The following ZNF516 variants were observed in gnomAD, a reference collection of about 807,000 sequenced individuals.
ZNF516 encodes zinc finger protein 516.
In ZNF516, 19 loss-of-function variants were observed where a neutral mutation model predicts 79.7. That is an observed-to-expected ratio of 0.24 (90% CI 0.17 to 0.35). The LOEUF is 0.35. Ranked by LOEUF, ZNF516 falls within the 10% of genes least tolerant of loss-of-function variation. The probability of loss-of-function intolerance (pLI) is 1.00; values close to 1 mark genes in which losing one functional copy is unlikely to be tolerated. For missense variants in ZNF516, 1,678 were observed against 1,679.5 expected (o/e 1.00, Z 0.02); for synonymous variants, 877 against 739.5 (o/e 1.19, Z -3.02).
At chr18:76,381,459 G>A (rs151159876) in intron 3 of ZNF516, among the ~76,000 whole-genome samples, 1,913 of 152,246 alleles carry the variant, frequency 0.013, 21 homozygotes, top group Non-Finnish European at 0.018. Context: ...TTTCAAATAA[G>A]ATTTTCAGAG....
chr18:76,390,306 C>T (rs537345774), intron 3 of ZNF516, among the ~76,000 whole-genome samples: 1 of 152,180 alleles, frequency 6.6e-6, no homozygotes, highest in Non-Finnish European at 1.5e-5. Flanking sequence ...CAGAAAATTA[C>T]GAGCCATGTA....
intron 1 of ZNF516, among the ~76,000 whole-genome samples, chr18:76,489,692 G>A (rs1162835372): frequency 6.6e-6 from 1 of 152,054 alleles, no homozygotes; most frequent in Non-Finnish European, 1.5e-5. Context: ...GATAACAATG[G>A]GAAAACATTG....
Position 76,379,970 on chromosome 18 carries a change from T to C in ZNF516, c.2144A>G (p.Asn715Ser). 1 of 1,613,956 alleles carries C rather than the reference T, an allele frequency of 6.2e-7. No individual in the cohort carries two copies. Among genetic ancestry groups the C allele is most frequent in the Non-Finnish European group, 8.5e-7 (1 of 1,179,866 alleles). ...HPAEKLSDLH[N>S]KEHSGGGKRA... The stretch of plus-strand genomic sequence containing the variant: ...CTTCCCTCCCCCAGAGTGTTCCTTG[T>C]TGTGCAAATCGGACAGCTTTTCTGC... The change falls in exon 4 of 7, where the codon AAC (asparagine) becomes AGC (serine). Residue 715 changes from asparagine (N) to serine (S), a missense_variant. Coordinates refer to ENST00000443185, the MANE Select transcript of ZNF516 (RefSeq NM_014643.4).
Position 76,441,322 on chromosome 18 carries a change from G to A in ZNF516, c.1733C>T (p.Ala578Val). ...PSSPGSACAA[A>V]DSPGSGLADE... ...GGCCAGGCCAGAGCCCGGGGAGTCA[G>A]CAGCGGCACAGGCGGAGCCAGGGCT... Residue 578 changes from alanine to valine, a missense_variant, in exon 3 of 7, where the codon GCT becomes GTT. Transcript: ENST00000443185. 6.2e-7 allele frequency: 1 copy of A among 1,611,812 alleles called. No homozygotes were observed. Among genetic ancestry groups the A allele is most frequent in the Non-Finnish European group, 8.5e-7 (1 of 1,179,544 alleles).
intron 3 of ZNF516, among the ~76,000 whole-genome samples, chr18:76,419,963 T>A (rs2075484666): frequency 6.6e-6 from 1 of 152,252 alleles, no homozygotes; most frequent in South Asian, 2.1e-4. Context: ...GGCCCACGCA[T>A]GTGGAGCGAG....
intron 4 of ZNF516, among the ~76,000 whole-genome samples, chr18:76,375,050 C>G (rs576741242): frequency 6.6e-6 from 1 of 152,262 alleles, no homozygotes; most frequent in South Asian, 2.1e-4. Flanking sequence ...CTCCAGTATT[C>G]AGCAACACTC....
intron 6 of ZNF516, among the ~76,000 whole-genome samples, chr18:76,363,947 T>C (rs1047431669): frequency 9.2e-5 from 14 of 152,322 alleles, no homozygotes; most frequent in East Asian, 7.7e-4. Flanking sequence ...TGTGCCTAGA[T>C]TGCACATGGA....
chr18:76,431,809 G>A (rs570392117), intron 3 of ZNF516, among the ~76,000 whole-genome samples: 1 of 152,176 alleles, frequency 6.6e-6, no homozygotes, highest in Non-Finnish European at 1.5e-5. Flanking sequence ...TCCCTATACA[G>A]TCTGCAGAAC....
intron 6 of ZNF516, among the ~76,000 whole-genome samples, chr18:76,364,713 G>A (rs944224335): frequency 1.3e-5 from 2 of 152,196 alleles, no homozygotes; most frequent in Non-Finnish European, 2.9e-5. Flanking sequence ...GACACACGGG[G>A]CACCTCTCGG....
intron 1 of ZNF516, 112 bp downstream of exon 1, chr18:76,495,032 T>G (rs1273632399): frequency 1.9e-4 from 13 of 68,530 alleles, no homozygotes; most frequent in South Asian, 1.6e-3. Context: ...CCTCCCCCCC[T>G]ACCCCCAGCG....
chr18:76,480,524 C>CACATATATAT (rs1267997459), intron 1 of ZNF516, among the ~76,000 whole-genome samples: 118 of 116,462 alleles, frequency 1.0e-3, no homozygotes, highest in Non-Finnish European at 1.4e-3. Context: ...CACACACACA[C>CACATATATAT]ATATATTTTT....
chr18:76,432,179 G>A (rs1370986367), intron 3 of ZNF516, among the ~76,000 whole-genome samples: 1 of 152,222 alleles, frequency 6.6e-6, no homozygotes, highest in Admixed American at 6.5e-5. Context: ...TCAAGCAATG[G>A]GATGGCCAGT....
chr18:76,363,644 T>C (rs901531690), intron 6 of ZNF516, among the ~76,000 whole-genome samples: 2 of 152,182 alleles, frequency 1.3e-5, no homozygotes, highest in Non-Finnish European at 2.9e-5. Flanking sequence ...CCTAAGTAGA[T>C]GGTGAATTTC....
intron 3 of ZNF516, 149 bp from the exon 4 acceptor site, chr18:76,380,452 C>G (rs2074873253): frequency 3.3e-6 from 3 of 919,430 alleles, no homozygotes; most frequent in Middle Eastern, 3.3e-4. Context: ...TAGAAAACCC[C>G]TGAGGAGCCA....
intron 3 of ZNF516, among the ~76,000 whole-genome samples, chr18:76,421,296 C>T (rs1433582486): frequency 1.3e-5 from 2 of 152,196 alleles, no homozygotes; most frequent in East Asian, 3.8e-4. Flanking sequence ...AGGAGCAGGG[C>T]AGCTGAGGCT....
At chr18:76,457,194 A>G (rs1912784418) in intron 2 of ZNF516, among the ~76,000 whole-genome samples, 1 of 152,268 alleles carries the variant, frequency 6.6e-6, no homozygotes, top group African/African-American at 2.4e-5. Flanking sequence ...TGCTCCTTGC[A>G]TGTAAGATTC....
At chr18:76,465,524 G>T (rs1913408222) in intron 1 of ZNF516, among the ~76,000 whole-genome samples, 1 of 152,220 alleles carries the variant, frequency 6.6e-6, no homozygotes, top group Non-Finnish European at 1.5e-5. Flanking sequence ...AGACAGGGAA[G>T]AAACTTTATA....
chr18:76,442,418 C>A lies in ZNF516; in HGVS notation c.637G>T (p.Glu213Ter). 6.2e-7 allele frequency: 1 copy of A among 1,607,356 alleles called. No homozygotes were observed. The highest frequency in any genetic ancestry group is 8.5e-7 in the Non-Finnish European group (1 of 1,179,644). Residue 213 changes from glutamate to a stop codon, truncating the protein, a stop_gained, in exon 3 of 7, where the codon GAG (glutamate) becomes TAG (stop). Transcript: ENST00000443185. LOFTEE classifies it high-confidence loss of function. ...CTCTCGATGTGGCTCAGCAGCGACT[C>A]CTCCCGCAGCGTCGCGTAGCTGCAC... ...RLCSYATLREESLLSHIERDH... is the reference protein window; with the variant it reads ...RLCSYATLRE
Position 76,443,135 on chromosome 18 carries a change from C to A in ZNF516, c.-81G>T. On this transcript the variant is annotated 5_prime_UTR_variant, in exon 3 of 7. Transcript: ENST00000443185. ...AGGGACCGTCCTATCTCTCCATGGT[C>A]AGAAGAGCCAAAAGACGTGCCTGCT... The A allele has an allele frequency of 6.8e-7, 1 of 1,473,882 alleles. No homozygotes were observed. The highest frequency in any genetic ancestry group is 1.3e-5 in the South Asian group (1 of 75,342). 91.3% of individuals were successfully genotyped at this position (1,473,882 alleles called of 1,614,324 possible). A position where few individuals can be genotyped will look rare whatever the true frequency, so the allele number is the denominator to read the frequency against.
Sources: allele counts gnomAD v4.1 joint callset (sites outside exome capture counted in the v4.1 genomes callset), GRCh38; gene constraint gnomAD v4.1.1; transcripts MANE v1.5; gene names NCBI Gene and HGNC (gene_info 2026-07-23, HGNC 2026-07-21).